SDF4: variants seen among roughly 807,000 people sequenced by gnomAD.
SDF4 encodes the protein 45 kDa calcium-binding protein.
In SDF4, 22 loss-of-function variants were observed where a neutral mutation model predicts 34.2. That is an observed-to-expected ratio of 0.64 (90% CI 0.46 to 0.92). The LOEUF (loss-of-function observed/expected upper bound fraction) is 0.92. SDF4 is among the 40% of genes least tolerant of loss of function. The probability of loss-of-function intolerance (pLI) is 0.00; values close to 1 mark genes in which losing one functional copy is unlikely to be tolerated. For missense variants in SDF4, 447 were observed against 499.9 expected (o/e 0.89, Z 1.01); for synonymous variants, 236 against 203.1 (o/e 1.16, Z -1.38).
intron 1 of SDF4, among the ~76,000 whole-genome samples, chr1:1,230,137 C>A (rs1288950970): frequency 6.6e-6 from 1 of 152,240 alleles, no homozygotes; most frequent in Non-Finnish European, 1.5e-5. Flanking sequence ...CCGGCAAACA[C>A]CTGCGGGTCC....
At chr1:1,225,179 C>T (rs1362842625) in intron 2 of SDF4, among the ~76,000 whole-genome samples, 2 of 152,196 alleles carry the variant, frequency 1.3e-5, no homozygotes, top group South Asian at 2.1e-4. Flanking sequence ...TGCAGCCGCC[C>T]GTGTCCTGAG....
At chr1:1,224,760 G>A (rs562966917) in intron 2 of SDF4, among the ~76,000 whole-genome samples, 2 of 152,228 alleles carry the variant, frequency 1.3e-5, no homozygotes, top group South Asian at 2.1e-4. Flanking sequence ...AAACAATTAC[G>A]AAAATTCGCC....
At chr1:1,219,935 T>C in intron 4 of SDF4, 4 of 985,622 alleles carry the variant, frequency 4.1e-6, no homozygotes, top group Non-Finnish European at 4.8e-6. Flanking sequence ...ACAACCTCCA[T>C]CTACACGACC....
In SDF4 at chr1:1,223,844, G is replaced by T. The variant is rs761445336; in HGVS notation, c.430C>A (p.Pro144Thr). Residue 144 changes from proline (P) to threonine (T), a missense_variant, in exon 3 of 7, where the codon CCT becomes ACT. Transcript: ENST00000360001. ...ESKTHFRAVD[P>T]DGDGHVSWDE... ...CCAGCCACAGTACCGTCCCCGTCAG[G>T]GTCCACGGCGCGGAAGTGTGTCTTG... The T allele has an allele frequency of 6.7e-7, 1 of 1,488,274 alleles. No homozygotes were observed. The highest frequency in any genetic ancestry group is 1.1e-5 in the South Asian group (1 of 89,500). 92.2% of individuals were successfully genotyped at this position (1,488,274 alleles called of 1,614,324 possible).
chr1:1,218,340 G>A lies in SDF4; in HGVS notation c.891+118C>T. 8.8e-7 allele frequency: 1 copy of A among 1,133,996 alleles called. No homozygotes were observed. Among genetic ancestry groups the A allele is most frequent in the Non-Finnish European group, 1.2e-6 (1 of 807,012 alleles). 70.2% of individuals were successfully genotyped at this position (1,133,996 alleles called of 1,614,324 possible). A position where few individuals can be genotyped will look rare whatever the true frequency, so the allele number is the denominator to read the frequency against. ...AGCAAACGCCCCAGTGACCAGCCCA[G>A]ATGGAGTCTCAGGCCAGACACCAGC... On this transcript the variant is annotated intron_variant, in intron 6 of 6. Transcript: ENST00000360001. This position sits in a 1 kb window ranked among gnomAD's most constrained non-coding sequence, Gnocchi z 7.9.
chr1:1,217,010 G>C lies in SDF4; in HGVS notation c.*502C>G, dbSNP rs1273502213. ...CAGCGGCAGCTGCGGGACCTGGGTG[G>C]CTCCGACACGCCAGGCCCGGGAAGG... On this transcript the variant is annotated 3_prime_UTR_variant, in exon 7 of 7. Transcript: ENST00000360001. The surrounding 1 kb of genome is among the most constrained non-coding windows in gnomAD (Gnocchi z 8.5). 6.6e-6 allele frequency: 1 copy of C among 152,236 alleles called. No individual in the cohort carries two copies. The highest frequency in any genetic ancestry group is 2.4e-5 in the African/African-American group (1 of 41,452). 9.4% of individuals were successfully genotyped at this position (152,236 alleles called of 1,614,324 possible). A position where few individuals can be genotyped will look rare whatever the true frequency, so the allele number is the denominator to read the frequency against.
intron 4 of SDF4, chr1:1,219,761 A>C (rs1055855723): frequency 1.0e-6 from 1 of 985,802 alleles, no homozygotes; most frequent in African/African-American, 1.7e-5. Flanking sequence ...CTTGGGGCTC[A>C]CTGCAGTCAG....
chr1:1,229,116 T>TTC (rs1442647104), intron 1 of SDF4, among the ~76,000 whole-genome samples, 170 bp from the exon 2 acceptor site: 1 of 152,078 alleles, frequency 6.6e-6, no homozygotes, highest in Non-Finnish European at 1.5e-5. Flanking sequence ...TGGCATTGTT[T>TTC]TCTCCGGGCC....
Position 1,218,075 on chromosome 1 carries a change from G to A in SDF4, c.891+383C>T, listed in dbSNP as rs77156226. ...TACCAGTGAAAACGCTTCAGAGGAA[G>A]GTGGTAAATTCCAGCCATGTGGCAC... On this transcript the variant is annotated intron_variant, in intron 6 of 6. Transcript: ENST00000360001. This position sits in a 1 kb window ranked among gnomAD's most constrained non-coding sequence, Gnocchi z 7.9. Among the ~76,000 whole-genome samples the A allele has an allele frequency of 0.02, 2,992 of 152,362 alleles. 54 individuals are homozygous for A. The highest frequency in any genetic ancestry group is 0.11 in the East Asian group (546 of 5,180).
rs1649744632 is a variant in SDF4, at chr1:1,219,202, G to GC, written c.557-276_557-275insG. On this transcript the variant is annotated intron_variant, in intron 4 of 6. Transcript: ENST00000360001. ...AGCCCGGACTCCCCAAGACAGCCTG[G>GC]ACCCCCCCCTGCCCCAGACCCCCAA... The GC allele has an allele frequency of 8.4e-5, 105 of 1,254,826 alleles. No homozygotes were observed. The African/African-American group carries it at 1.1e-3, about 13-fold the overall frequency. 77.7% of individuals were successfully genotyped at this position (1,254,826 alleles called of 1,614,324 possible).
rs912873396 is a variant in SDF4 at position 1,228,850 on chromosome 1, G to A, written c.-78C>T. On this transcript the variant is annotated 5_prime_UTR_variant, in exon 2 of 7. Transcript: ENST00000360001. ...GGGAGGGGCAGGGGCAGGGGCAGAG[G>A]AGGAAGTGAGGTCCTGGCTCCAATC... 3.2e-5 allele frequency: 42 copies of A among 1,325,742 alleles called. No homozygotes were observed. Among genetic ancestry groups the A allele is most frequent in the Admixed American group, 6.4e-5 (3 of 46,862 alleles). The allele number at this position is 1,325,742 out of a possible 1,614,324, so 82.1% of individuals were successfully genotyped here.
chr1:1,220,595 C>T (rs1467380883), intron 4 of SDF4: 26 of 1,287,174 alleles, frequency 2.0e-5, no homozygotes, highest in South Asian at 7.4e-5. Context: ...CACGGGTGGG[C>T]AGGGAACAGC....
At chr1:1,220,161 TGAA>T in intron 4 of SDF4, 4 of 988,428 alleles carry the variant, frequency 4.0e-6, no homozygotes, top group Non-Finnish European at 4.8e-6. Context: ...CTCAGGCTGG[TGAA>T]GAAGCCTTGA....
rs1239043313 is a variant in SDF4 at position 1,218,456 on chromosome 1, A to G, written c.891+2T>C. 2 of 1,610,126 alleles carry G rather than the reference A, an allele frequency of 1.2e-6. No individual in the cohort carries two copies. The highest frequency in any genetic ancestry group is 4.5e-5 in the East Asian group (2 of 44,870). ...CCGGGACACGGCTGCGCCAGGGCTC[A>G]CCTCCAGCTCCTCGGCGGTCACGAT... On this transcript the variant is annotated splice_donor_variant, in intron 6 of 6. Transcript: ENST00000360001. LOFTEE classifies it high-confidence loss of function. The surrounding 1 kb of genome is among the most constrained non-coding windows in gnomAD (Gnocchi z 7.9).
chr1:1,228,388 C>T (rs999485548), intron 2 of SDF4, 80 bp downstream of exon 2: 5 of 1,431,480 alleles, frequency 3.5e-6, no homozygotes, highest in African/African-American at 2.9e-5. Flanking sequence ...CGGCGCCCCC[C>T]ACCGCGCAAA....
chr1:1,223,309 C>T lies in SDF4; in HGVS notation c.491G>A (p.Gly164Asp), dbSNP rs1298037327. 3.7e-6 allele frequency: 6 copies of T among 1,614,040 alleles called. No individual in the cohort carries two copies. The highest frequency in any genetic ancestry group is 1.6e-4 in the Middle Eastern group (1 of 6,062). ...EYKVKFLASK[G>D]HSEKEVADAI... is the part of the protein sequence containing the mutation. ...GTCGGCAACCTCCTTCTCGCTATGG[C>T]CTTTACTCGCCAAAAACTTCACCTT... The change falls in exon 4 of 7, where the codon GGC (glycine) becomes GAC (aspartate). Residue 164 changes from glycine (G) to aspartate (D), a missense_variant. Gly to Asp is a moderately conservative substitution (Grantham distance 94). Coordinates refer to ENST00000360001, the MANE Select transcript of SDF4 (RefSeq NM_016176.6).
At chr1:1,223,406 T>C (rs770947502) in intron 3 of SDF4, 49 bp from the exon 4 acceptor site, 11 of 1,312,180 alleles carry the variant, frequency 8.4e-6, no homozygotes, top group Non-Finnish European at 1.2e-5. Flanking sequence ...TGAGCTGAAC[T>C]TCCTTCTCAA....
At chr1:1,230,461 G>A (rs910113826) in intron 1 of SDF4, among the ~76,000 whole-genome samples, 29 of 143,530 alleles carry the variant, frequency 2.0e-4, no homozygotes, top group African/African-American at 7.7e-4. Flanking sequence ...GCTCATGTCT[G>A]ATTTTTTTTT....
At chr1:1,229,473 A>T (rs1476137918) in intron 1 of SDF4, among the ~76,000 whole-genome samples, 1 of 152,148 alleles carries the variant, frequency 6.6e-6, no homozygotes, top group Non-Finnish European at 1.5e-5. Flanking sequence ...CAGTCTCCCA[A>T]CGTGCTGGGA....
Sources: allele counts gnomAD v4.1 joint callset (sites outside exome capture counted in the v4.1 genomes callset), GRCh38; gene constraint gnomAD v4.1.1; non-coding constraint Gnocchi (gnomAD v3.1); transcripts MANE v1.5; gene names NCBI Gene and HGNC (gene_info 2026-07-23, HGNC 2026-07-21).